The following INPP5A variants were observed in gnomAD, a reference collection of about 807,000 sequenced individuals.
INPP5A encodes inositol polyphosphate-5-phosphatase A.
In INPP5A, 14 loss-of-function variants were observed where a neutral mutation model predicts 65.2. That is an observed-to-expected ratio of 0.21 (90% CI 0.14 to 0.34). INPP5A has a LOEUF of 0.34. INPP5A is among the 10% of genes least tolerant of loss of function. INPP5A has a pLI of 1.00. For synonymous variants in INPP5A, 207 were observed against 208.3 expected (o/e 0.99, Z 0.05); for missense variants, 431 against 545.6 (o/e 0.79, Z 2.09).
At chr10:132,643,881 C>T (rs138908970) in intron 2 of INPP5A, among the ~76,000 whole-genome samples, 10 of 152,196 alleles carry the variant, frequency 6.6e-5, no homozygotes, top group Admixed American at 2.0e-4. Flanking sequence ...GTGGAGGCTC[C>T]GGAGCTTGGT....
intron 8 of INPP5A, among the ~76,000 whole-genome samples, chr10:132,726,424 G>A (rs1470272453): frequency 6.6e-6 from 1 of 152,082 alleles, no homozygotes; most frequent in Non-Finnish European, 1.5e-5. Flanking sequence ...TGAGCTCTGC[G>A]GTGGATTATT....
intron 1 of INPP5A, among the ~76,000 whole-genome samples, chr10:132,606,685 T>A (rs2071857609): frequency 6.6e-6 from 1 of 152,248 alleles, no homozygotes; most frequent in South Asian, 2.1e-4. Context: ...CTTGCGATGC[T>A]GTTGTGTTTG....
chr10:132,543,431 T>A (rs192015071), intron 1 of INPP5A, among the ~76,000 whole-genome samples: 85 of 152,308 alleles, frequency 5.6e-4, no homozygotes, highest in Middle Eastern at 3.4e-3. Flanking sequence ...TTCTTTTAAA[T>A]TACAGAGACG....
intron 4 of INPP5A, among the ~76,000 whole-genome samples, chr10:132,673,379 G>A (rs1231083836): frequency 1.3e-5 from 2 of 152,158 alleles, no homozygotes; most frequent in East Asian, 1.9e-4. Flanking sequence ...CTTGATTCCC[G>A]GACCCGTGAA....
At chr10:132,657,422 G>A (rs1329811357) in intron 4 of INPP5A, among the ~76,000 whole-genome samples, 1 of 152,236 alleles carries the variant, frequency 6.6e-6, no homozygotes, top group African/African-American at 2.4e-5. Context: ...GGCTGGGTCT[G>A]TGGAGAGTGA....
At chr10:132,612,464 C>T (rs569344600) in intron 2 of INPP5A, among the ~76,000 whole-genome samples, 71 of 98,412 alleles carry the variant, frequency 7.2e-4, no homozygotes, top group African/African-American at 2.4e-3. Flanking sequence ...TTTGGGGGTT[C>T]GGGGAGGCTG....
rs1369450209 is a variant in INPP5A, at chr10:132,637,946, C to T, written c.118-7922C>T. 6.6e-6 allele frequency among the ~76,000 whole-genome samples: 1 copy of T among 151,962 alleles called. No individual in the cohort carries two copies. Among genetic ancestry groups the T allele is most frequent in the East Asian group, 1.9e-4 (1 of 5,166 alleles). ...CGTTTTGTAGGGACTTCCTTTTGCT[C>T]ATCTTTAGTGGGAGTATGGGGTTTG... On this transcript the variant is annotated intron_variant, in intron 2 of 15. Coordinates refer to ENST00000368594, the MANE Select transcript of INPP5A (RefSeq NM_005539.5). The surrounding 1 kb of genome is among the most constrained non-coding windows in gnomAD (Gnocchi z 4.1).
At chr10:132,760,663 C>G (rs754047983) in intron 11 of INPP5A, among the ~76,000 whole-genome samples, 1 of 152,250 alleles carries the variant, frequency 6.6e-6, no homozygotes, top group Non-Finnish European at 1.5e-5. Context: ...GTGCCCATCT[C>G]TGGTACGGGG....
At position 132,753,168 on chromosome 10, in the gene INPP5A, G is replaced by A. The variant is rs1253324769; in HGVS notation, c.903+3323G>A. On this transcript the variant is annotated intron_variant, in intron 11 of 15. Coordinates refer to ENST00000368594, the MANE Select transcript of INPP5A (RefSeq NM_005539.5). The surrounding 1 kb of genome is among the most constrained non-coding windows in gnomAD (Gnocchi z 5.3). The stretch of plus-strand genomic sequence containing the variant: ...GGTTCCTGCTGACCCGGGTGCCCTC[G>A]CACTTGCCCGAGGTGCCGGCATGCC... 6.6e-6 allele frequency among the ~76,000 whole-genome samples: 1 copy of A among 152,124 alleles called. No individual in the cohort carries two copies. The highest frequency in any genetic ancestry group is 1.9e-4 in the East Asian group (1 of 5,166).
intron 9 of INPP5A, among the ~76,000 whole-genome samples, chr10:132,734,204 G>A (rs1250349354): frequency 6.6e-6 from 1 of 152,192 alleles, no homozygotes; most frequent in African/African-American, 2.4e-5. Flanking sequence ...TGACGCAGAA[G>A]CATCACCTCT....
chr10:132,539,065 C>G (rs951685977), intron 1 of INPP5A, among the ~76,000 whole-genome samples: 1 of 152,176 alleles, frequency 6.6e-6, no homozygotes, highest in Non-Finnish European at 1.5e-5. Context: ...GCCCCTTCCT[C>G]CAACAAGCTC....
At chr10:132,715,710 C>T (rs145311413) in intron 8 of INPP5A, among the ~76,000 whole-genome samples, 1,583 of 152,368 alleles carry the variant, frequency 0.01, 15 homozygotes, top group South Asian at 0.02. Context: ...CATTAAAGAT[C>T]TGGGTCACCC....
intron 4 of INPP5A, among the ~76,000 whole-genome samples, chr10:132,688,656 A>C (rs1373209209): frequency 2.0e-5 from 3 of 148,062 alleles, no homozygotes; most frequent in Non-Finnish European, 4.4e-5. Flanking sequence ...TGTGTGTGCA[A>C]GTGAGTGTGA....
intron 1 of INPP5A, among the ~76,000 whole-genome samples, chr10:132,585,275 A>C (rs1564924701): frequency 6.6e-6 from 1 of 152,268 alleles, no homozygotes; most frequent in Non-Finnish European, 1.5e-5. Context: ...TTTGTATACA[A>C]GTACAGTAGT....
chr10:132,709,148 G>A (rs1022960320), intron 7 of INPP5A, among the ~76,000 whole-genome samples: 13 of 151,174 alleles, frequency 8.6e-5, no homozygotes, highest in East Asian at 2.0e-4. Context: ...ACTCATCTCC[G>A]AGCTCACTGG....
intron 5 of INPP5A, among the ~76,000 whole-genome samples, chr10:132,691,776 G>T (rs1327274448): frequency 6.6e-6 from 1 of 152,204 alleles, no homozygotes; most frequent in Non-Finnish European, 1.5e-5. Context: ...CACAGGAGGC[G>T]TGTGGACGCG....
chr10:132,687,295 T>A (rs1327425557), intron 4 of INPP5A, among the ~76,000 whole-genome samples: 3 of 152,210 alleles, frequency 2.0e-5, no homozygotes, highest in African/African-American at 7.2e-5. Context: ...TTCCCCGGGT[T>A]CTGAGCAGGT....
At chr10:132,778,013 G>A (rs1191073951) in intron 13 of INPP5A, 8 of 1,194,946 alleles carry the variant, frequency 6.7e-6, no homozygotes, top group Non-Finnish European at 9.0e-6. Flanking sequence ...TGGGCCATGG[G>A]CAGCCAGCGT....
intron 9 of INPP5A, among the ~76,000 whole-genome samples, chr10:132,738,652 C>G (rs1171771576): frequency 6.6e-6 from 1 of 152,240 alleles, no homozygotes; most frequent in African/African-American, 2.4e-5. Context: ...GGCGCCACTC[C>G]CATTCCATGC....
Sources: allele counts gnomAD v4.1 joint callset (sites outside exome capture counted in the v4.1 genomes callset), GRCh38; gene constraint gnomAD v4.1.1; non-coding constraint Gnocchi (gnomAD v3.1); transcripts MANE v1.5; gene names NCBI Gene and HGNC (gene_info 2026-07-23, HGNC 2026-07-21).